EIF3A: variants seen among roughly 807,000 people sequenced by gnomAD.
EIF3A encodes eukaryotic translation initiation factor 3 subunit A.
EIF3A carries 21 observed loss-of-function variants against 186.6 expected under a neutral mutation model. The observed-to-expected ratio is 0.11, with a 90% CI of 0.08 to 0.16. EIF3A has a LOEUF of 0.16. Among genes scored for constraint, EIF3A ranks in the 10% least tolerant of loss-of-function variants. The pLI, the probability that EIF3A is intolerant of heterozygous loss-of-function variation, is 1.00. For synonymous variants in EIF3A, 563 were observed against 584.3 expected (o/e 0.96, Z 0.52); for missense variants, 1,306 against 1,796.3 (o/e 0.73, Z 4.93).
intron 18 of EIF3A, 80 bp downstream of exon 18, chr10:119,043,974 C>T: frequency 9.4e-7 from 1 of 1,066,140 alleles, no homozygotes. Context: ...CCTGCCTCTA[C>T]AAAATGAACC....
rs750170136 is a variant in EIF3A, at chr10:119,038,332, C to T, written c.3634G>A (p.Asp1212Asn). 1.9e-6 allele frequency: 3 copies of T among 1,614,166 alleles called. No individual in the cohort carries two copies. The highest frequency in any genetic ancestry group is 1.7e-5 in the Admixed American group (1 of 60,012). Reference protein sequence around the residue: ...EWDREKERDRDNQDREENDKD... With the variant: ...EWDREKERDRNNQDREENDKD... The stretch of plus-strand genomic sequence containing the variant: ...TCATTCTCCTCCCGATCTTGATTAT[C>T]TCTGTCCCTTTCTTTTTCTCTGTCC... The change falls in exon 20 of 22, where the codon GAT (aspartate) becomes AAT (asparagine). Residue 1212 changes from aspartate to asparagine, a missense_variant. Asp to Asn is a conservative substitution (Grantham distance 23, BLOSUM62 1). Transcript: ENST00000369144.
Position 119,056,783 on chromosome 10 carries a change from C to A in EIF3A, c.2153G>T (p.Arg718Ile). The change falls in exon 14 of 22, where the codon AGA (arginine) becomes ATA (isoleucine). Residue 718 changes from arginine to isoleucine, a missense_variant. By Grantham distance (97) the Arg-to-Ile change is moderately conservative. Coordinates refer to ENST00000369144, the MANE Select transcript of EIF3A (RefSeq NM_003750.4). ...CTCCCACAGATCCATGTCTTTAATT[C>A]TCTGTTCCTCGTAAGCGCTCTTTAT... ...PLIKSAYEEQ[R>I]IKDMDLWEQQ... is the part of the protein sequence containing the mutation. The A allele has an allele frequency of 1.2e-6, 2 of 1,613,506 alleles. No homozygotes were observed. The highest frequency in any genetic ancestry group is 1.7e-6 in the Non-Finnish European group (2 of 1,179,636).
At chr10:119,059,524 C>T in intron 10 of EIF3A, 78 bp downstream of exon 10, 1 of 1,356,434 alleles carries the variant, frequency 7.4e-7, no homozygotes, top group South Asian at 1.2e-5. Context: ...ATCACTGTAC[C>T]AAAAGCTGAG....
Position 119,042,710 on chromosome 10 carries a change from G to A in EIF3A, c.2810C>T (p.Pro937Leu). 1 of 1,613,688 alleles carries A rather than the reference G, an allele frequency of 6.2e-7. No individual in the cohort carries two copies. Among genetic ancestry groups the A allele is most frequent in the Non-Finnish European group, 8.5e-7 (1 of 1,179,998 alleles). ...ATCTTCATCATCCCCCAGACGCCGG[G>A]GCCGCTCTTCATCTCTTCTATGAGA... ...DRSHRRDEER[P>L]RRLGDDEDRE... is the part of the protein sequence containing the mutation. The change falls in exon 19 of 22, where the codon CCC (proline) becomes CTC (leucine). Residue 937 changes from proline to leucine, a missense_variant. By Grantham distance (98) the Pro-to-Leu change is moderately conservative (BLOSUM62 -3). This residue lies in a region of EIF3A where 410 missense variants were observed against 473.5 expected (regional missense o/e 0.87). Transcript: ENST00000369144. The surrounding 1 kb of genome is among the most constrained non-coding windows in gnomAD (Gnocchi z 7.8).
Position 119,061,225 on chromosome 10 carries a change from T to C in EIF3A, c.1226A>G (p.Lys409Arg). The C allele has an allele frequency of 6.5e-7, 1 of 1,539,026 alleles. No individual in the cohort carries two copies. The part of the protein sequence containing the change: ...NPLKLCERVT[K>R]VLNWVREQPE... ...CAGAACTTAAATACAAAGGCTTACC[T>C]TTGTGACTCGCTCACAGAGTTTTAA... The change falls in exon 8 of 22, where the codon AAG (lysine) becomes AGG (arginine). Residue 409 changes from lysine to arginine, a missense_variant and splice_region_variant. Lys to Arg is a conservative substitution (Grantham distance 26). Coordinates refer to ENST00000369144, the MANE Select transcript of EIF3A (RefSeq NM_003750.4).
chr10:119,060,781 G>C lies in EIF3A; in HGVS notation c.1291C>G (p.Leu431Val). 1 of 1,612,074 alleles carries C rather than the reference G, an allele frequency of 6.2e-7. No individual in the cohort carries two copies. Among genetic ancestry groups the C allele is most frequent in the South Asian group, 1.1e-5 (1 of 90,580 alleles). ...AGGCGGAGGATGGTGTTGTTTTGCA[G>C]TTGTGGCACATACTGCTGCAATTCC... ...EPELQQYVPQ[L>V]QNNTILRLLQ... The change falls in exon 9 of 22, where the codon CTG becomes GTG. Residue 431 changes from leucine (L) to valine (V), a missense_variant. Physicochemically the swap from Leu to Val is conservative, Grantham distance 32. This residue lies in a region of EIF3A where 267 missense variants were observed against 367.8 expected (regional missense o/e 0.73). Transcript: ENST00000369144.
At chr10:119,052,404 A>AGAC (rs1433226143) in intron 14 of EIF3A, among the ~76,000 whole-genome samples, 1 of 32,952 alleles carries the variant, frequency 3.0e-5, no homozygotes, top group Non-Finnish European at 7.9e-5. Context: ...GTGTGTTTTA[A>AGAC]GACAGGGTCT....
intron 17 of EIF3A, among the ~76,000 whole-genome samples, chr10:119,048,631 C>A (rs1285343677): frequency 1.3e-5 from 2 of 151,916 alleles, no homozygotes; most frequent in African/African-American, 2.4e-5. Flanking sequence ...CTTTAAGTAC[C>A]AAGGAGCTAC....
rs150172410 is a variant in EIF3A, at chr10:119,051,288, G to C, written c.2230C>G (p.Leu744Val). The C allele has an allele frequency of 5.0e-6, 8 of 1,607,422 alleles. No individual in the cohort carries two copies. The African/African-American group carries it at 1.1e-4, about 22-fold the overall frequency. ...TTMQLEREKALEHKNRMSRML... is the reference protein window; with the variant it reads ...TTMQLEREKAVEHKNRMSRML... ...CGTGACATTCGATTCTTATGTTCAAGAGCCTTTTCACGTTCTAGCTGCATT... is the reference window on the plus strand; with the variant it reads ...CGTGACATTCGATTCTTATGTTCAACAGCCTTTTCACGTTCTAGCTGCATT... Residue 744 changes from leucine to valine, a missense_variant, in exon 15 of 22, where the codon CTT becomes GTT. Leu to Val is a conservative substitution (Grantham distance 32). Transcript: ENST00000369144.
chr10:119,051,875 C>T (rs1373866805), intron 14 of EIF3A, among the ~76,000 whole-genome samples: 1 of 152,064 alleles, frequency 6.6e-6, no homozygotes, highest in African/African-American at 2.4e-5. Context: ...TCAAAGAAAA[C>T]AAAACAAAAA....
intron 1 of EIF3A, among the ~76,000 whole-genome samples, chr10:119,075,776 C>A (rs1238416305): frequency 8.3e-6 from 1 of 121,012 alleles, no homozygotes; most frequent in East Asian, 2.5e-4. Flanking sequence ...TGCAGTGGTG[C>A]AATCTCAGCT....
intron 14 of EIF3A, among the ~76,000 whole-genome samples, chr10:119,055,592 G>A (rs1315711123): frequency 2.0e-5 from 3 of 151,852 alleles, no homozygotes; most frequent in Non-Finnish European, 4.4e-5. Context: ...ATGGGGGGCT[G>A]GGGGAGGTGT....
Position 119,077,012 on chromosome 10 carries a change from C to CA in EIF3A, c.50-3076dup, listed in dbSNP as rs1293006827. Among the ~76,000 whole-genome samples the CA allele has an allele frequency of 2.0e-5, 3 of 151,326 alleles. No individual in the cohort carries two copies. The East Asian group carries it at 5.8e-4, about 29-fold the overall frequency. On this transcript the variant is annotated intron_variant, in intron 1 of 21. Coordinates refer to ENST00000369144, the MANE Select transcript of EIF3A (RefSeq NM_003750.4). ...ACTAACAAAAACAGTCTCTTATCAG[C>CA]AAAAAACTTGGGAGTAAATGCGTTT...
intron 7 of EIF3A, among the ~76,000 whole-genome samples, chr10:119,063,492 A>G (rs1403061543): frequency 1.3e-5 from 2 of 152,208 alleles, no homozygotes; most frequent in Non-Finnish European, 2.9e-5. Flanking sequence ...TATCTGAGAG[A>G]GCCTGCCATT....
chr10:119,039,719 T>A (rs1429767106), intron 19 of EIF3A, among the ~76,000 whole-genome samples: 1 of 152,132 alleles, frequency 6.6e-6, no homozygotes, highest in Non-Finnish European at 1.5e-5. Context: ...AAGGTGGCTA[T>A]GATATGCCTT....
rs200391720 is a variant in EIF3A, at chr10:119,072,897, G to A, written c.534C>T (p.Ala178=). 198 of 1,608,630 alleles carry A rather than the reference G, an allele frequency of 1.2e-4. 3 individuals carry two copies. Among genetic ancestry groups the A allele is most frequent in the South Asian group, 4.1e-4 (37 of 89,592 alleles). Residue 178 remains alanine (A), a synonymous_variant, in exon 4 of 22, where the codon GCC becomes GCT. Transcript: ENST00000369144. ...SRVERLYHDI[A]QQAFKFCLQY... is the part of the protein sequence containing the mutation. ...TTGATCTTCTCATCTTACCTTGCTG[G>A]GCAATATCATGGTACAGGCGCTCTA...
chr10:119,060,878 C>G, intron 8 of EIF3A, 34 bp from the exon 9 acceptor site: 1 of 1,427,092 alleles, frequency 7.0e-7, no homozygotes, highest in Non-Finnish European at 9.7e-7. Flanking sequence ...GAGAATCACA[C>G]TTTCTACATA....
At chr10:119,044,295 T>C (rs1256603326) in intron 17 of EIF3A, among the ~76,000 whole-genome samples, 153 bp from the exon 18 acceptor site, 4 of 152,214 alleles carry the variant, frequency 2.6e-5, no homozygotes, top group African/African-American at 9.7e-5. Context: ...TAATCTGAGA[T>C]CAGACTGACG....
chr10:119,056,085 C>T lies in EIF3A; in HGVS notation c.2196+655G>A, dbSNP rs895841740. 2.6e-5 allele frequency among the ~76,000 whole-genome samples: 4 copies of T among 152,138 alleles called. No individual in the cohort carries two copies. In the South Asian group the frequency reaches 8.3e-4, roughly 32 times the overall value. On this transcript the variant is annotated intron_variant, in intron 14 of 21. Transcript: ENST00000369144. ...TGCATTCTCCTATCACACCCTACAC[C>T]GATGTTTGCCTCCTGCTTATGGTTA...
Sources: allele counts gnomAD v4.1 joint callset (sites outside exome capture counted in the v4.1 genomes callset), GRCh38; gene constraint gnomAD v4.1.1; regional missense constraint gnomAD v4.1.1; non-coding constraint Gnocchi (gnomAD v3.1); transcripts MANE v1.5; gene names NCBI Gene and HGNC (gene_info 2026-07-23, HGNC 2026-07-21).